PRDM2: variants seen among roughly 807,000 people sequenced by gnomAD.
PRDM2 encodes the protein PR domain zinc finger protein 2.
A neutral mutation model predicts 130.0 loss-of-function variants in PRDM2; 30 were observed. That is an observed-to-expected ratio of 0.23 (90% CI 0.17 to 0.31). PRDM2 has a LOEUF of 0.31. PRDM2 is among the 10% of genes least tolerant of loss of function. The pLI is 1.00. For synonymous variants in PRDM2, 871 were observed against 782.4 expected, an observed-to-expected ratio of 1.11 and a Z score of -1.89; for missense variants, 2,011 against 2,108.4, an observed-to-expected ratio of 0.95 and a Z score of 0.90.
At position 13,778,692 on chromosome 1, in the gene PRDM2, G is replaced by A. The variant is rs1410701494; in HGVS notation, c.897G>A (p.Met299Ile). 3 of 1,614,076 alleles carry A rather than the reference G, an allele frequency of 1.9e-6. No homozygotes were observed. The highest frequency in any genetic ancestry group is 2.5e-6 in the Non-Finnish European group (3 of 1,180,044). Reference sequence around the variant, plus strand: ...ACGAGGGGGAAGAAGAAGCCAGCATGCCAAATGAAAATTCTGTGAAAGAGC... The same window carrying A: ...ACGAGGGGGAAGAAGAAGCCAGCATACCAAATGAAAATTCTGTGAAAGAGC... ...LEDEGEEEASMPNENSVKEPE... is the reference protein window; with the variant it reads ...LEDEGEEEASIPNENSVKEPE... The change falls in exon 8 of 10, where the codon ATG becomes ATA. Residue 299 changes from methionine (M) to isoleucine (I), a missense_variant. Coordinates refer to ENST00000311066, the MANE Select transcript of PRDM2 (RefSeq NM_001393986.1).
At chr1:13,757,952 A>C (rs1643999628) in intron 6 of PRDM2, among the ~76,000 whole-genome samples, 1 of 152,056 alleles carries the variant, frequency 6.6e-6, no homozygotes, top group South Asian at 2.1e-4. Flanking sequence ...GAGTCACCCT[A>C]ACCTATCCAT....
rs529525798 is a variant in PRDM2 at position 13,803,602 on chromosome 1, G to A, written c.5037-12825G>A. On this transcript the variant is annotated intron_variant, in intron 8 of 9. Coordinates refer to ENST00000311066, the MANE Select transcript of PRDM2 (RefSeq NM_001393986.1). This position sits in a 1 kb window ranked among gnomAD's most constrained non-coding sequence, Gnocchi z 6.2. ...AGCGAGTGCCTTGCTCGCTCTCCTC[G>A]GTTTCCTCGTCTGTAAGGGAAGGGC... Among the ~76,000 whole-genome samples the A allele has an allele frequency of 4.9e-4, 74 of 152,200 alleles. 2 individuals are homozygous for A. In the South Asian group the frequency reaches 0.014, roughly 29 times the overall value.
At chr1:13,793,638 C>T (rs1250796222) in intron 8 of PRDM2, among the ~76,000 whole-genome samples, 1 of 152,208 alleles carries the variant, frequency 6.6e-6, no homozygotes, top group African/African-American at 2.4e-5. Flanking sequence ...TTTTAAAACA[C>T]TCCTAAAGGC....
chr1:13,706,025 C>T (rs1045582363), intron 1 of PRDM2, among the ~76,000 whole-genome samples: 1 of 148,092 alleles, frequency 6.8e-6, no homozygotes, highest in Non-Finnish European at 1.5e-5. Flanking sequence ...CCACCTTTTA[C>T]TTAAATATTG....
chr1:13,731,890 C>A (rs1422028631), intron 3 of PRDM2, among the ~76,000 whole-genome samples: 2 of 152,016 alleles, frequency 1.3e-5, no homozygotes, highest in South Asian at 2.1e-4. Flanking sequence ...ATTCATTGAG[C>A]AGTTTGAACA....
intron 4 of PRDM2, among the ~76,000 whole-genome samples, chr1:13,733,482 G>A (rs2100479543): frequency 6.6e-6 from 1 of 152,298 alleles, no homozygotes; most frequent in Middle Eastern, 3.4e-3. Context: ...CTCCACCCGG[G>A]AGGCCTGTAG....
At chr1:13,805,810 G>T (rs916871493) in intron 8 of PRDM2, among the ~76,000 whole-genome samples, 1 of 152,310 alleles carries the variant, frequency 6.6e-6, no homozygotes, top group South Asian at 2.1e-4. Context: ...AGGGACCAGG[G>T]CAGGCAGAGA....
intron 8 of PRDM2, among the ~76,000 whole-genome samples, chr1:13,812,479 A>G (rs1349765363): frequency 6.6e-6 from 1 of 152,224 alleles, no homozygotes; most frequent in Non-Finnish European, 1.5e-5. Flanking sequence ...TAGTTGTAAC[A>G]ACAACACGTT....
rs1179313857 is a variant in PRDM2, at chr1:13,780,365, G to A, written c.2570G>A (p.Cys857Tyr). Residue 857 changes from cysteine to tyrosine, a missense_variant, in exon 8 of 10, where the codon TGT becomes TAT. Around this residue, in one of 5 missense-constraint regions of PRDM2, gnomAD observed 1,288 missense variants for 1,237.7 expected, o/e 1.04. Transcript: ENST00000311066. ...VLDLSVHKKH[C>Y]SDSEGKEFKE... is the part of the protein sequence containing the mutation. ...GATCTCAGTGTGCATAAAAAGCATT[G>A]TAGTGACTCTGAAGGCAAGGAATTC... 3 of 1,614,186 alleles carry A rather than the reference G, an allele frequency of 1.9e-6. No individual in the cohort carries two copies. Among genetic ancestry groups the A allele is most frequent in the Non-Finnish European group, 1.7e-6 (2 of 1,180,034 alleles).
chr1:13,775,331 T>C (rs569074353), intron 7 of PRDM2, among the ~76,000 whole-genome samples: 1 of 152,368 alleles, frequency 6.6e-6, no homozygotes, highest in South Asian at 2.1e-4. Context: ...GAAAATAAAG[T>C]CTGTTAGGAA....
intron 9 of PRDM2, among the ~76,000 whole-genome samples, chr1:13,820,938 C>G (rs949112067): frequency 6.6e-5 from 10 of 152,114 alleles, no homozygotes; most frequent in Non-Finnish European, 1.0e-4. Flanking sequence ...CTCATGGGCA[C>G]GGGCACACAG....
Position 13,780,791 on chromosome 1 carries a change from C to T in PRDM2, c.2996C>T (p.Ser999Phe). Residue 999 changes from serine to phenylalanine, a missense_variant, in exon 8 of 10, where the codon TCT becomes TTT. Coordinates refer to ENST00000311066, the MANE Select transcript of PRDM2 (RefSeq NM_001393986.1). ...CCTACCGTACCTCTTCCAGCCCCCT[C>T]TTCCAGTGCATCTCCACACCCATGC... ...LLPTVPLPAP[S>F]SSASPHPCPS... is the part of the protein sequence containing the mutation. The T allele has an allele frequency of 6.3e-7, 1 of 1,584,068 alleles. No homozygotes were observed. Among genetic ancestry groups the T allele is most frequent in the Middle Eastern group, 1.7e-4 (1 of 5,922 alleles).
chr1:13,813,880 A>G (rs1278064028), intron 8 of PRDM2, among the ~76,000 whole-genome samples: 2 of 152,214 alleles, frequency 1.3e-5, no homozygotes, highest in Non-Finnish European at 2.9e-5. Flanking sequence ...GCGGAGACAC[A>G]CTGGCTGGCT....
At chr1:13,742,956 G>A (rs1049320348) in intron 5 of PRDM2, among the ~76,000 whole-genome samples, 2 of 147,040 alleles carry the variant, frequency 1.4e-5, no homozygotes, top group African/African-American at 2.4e-5. Flanking sequence ...ATTAATTGTT[G>A]AAAAGAAGAA....
intron 2 of PRDM2, among the ~76,000 whole-genome samples, chr1:13,717,056 T>C (rs1053241329): frequency 2.0e-5 from 3 of 152,238 alleles, no homozygotes; most frequent in Non-Finnish European, 4.4e-5. Context: ...ATTTTTGGAT[T>C]CTTTTGATTT....
intron 1 of PRDM2, among the ~76,000 whole-genome samples, chr1:13,715,217 A>G (rs908691522): frequency 7.9e-5 from 12 of 152,354 alleles, no homozygotes; most frequent in African/African-American, 2.6e-4. Context: ...AAGGTACTCA[A>G]TAATGCTTTG....
At chr1:13,773,043 AATG>A in intron 6 of PRDM2, 32 bp from the exon 7 acceptor site, 3 of 1,229,736 alleles carry the variant, frequency 2.4e-6, no homozygotes, top group Non-Finnish European at 3.3e-6. Context: ...ATAAAAAAAA[AATG>A]AATGAATAAA....
intron 8 of PRDM2, among the ~76,000 whole-genome samples, chr1:13,799,157 T>C (rs915785351): frequency 4.6e-5 from 7 of 152,110 alleles, no homozygotes; most frequent in African/African-American, 1.4e-4. Flanking sequence ...AATTAAGAAT[T>C]GTGAGGCCGG....
chr1:13,783,008 A>G, intron 8 of PRDM2, 177 bp downstream of exon 8: 4 of 1,384,772 alleles, frequency 2.9e-6, no homozygotes, highest in Non-Finnish European at 3.9e-6. Context: ...GAGATGAATA[A>G]ATAGTTCTAA....
Sources: gnomAD v4.1 joint callset for allele counts (sites outside exome capture counted in the v4.1 genomes callset) on GRCh38, gnomAD v4.1.1 for gene constraint, gnomAD v4.1.1 regional missense constraint, Gnocchi (gnomAD v3.1) non-coding constraint, MANE v1.5 for transcripts, NCBI Gene and HGNC (gene_info 2026-07-23, HGNC 2026-07-21) for gene names.